Variants in PEX5 observed in about 807,000 individuals in gnomAD.
PEX5 encodes PTS1 receptor.
Under a neutral mutation model 82.9 loss-of-function variants are expected in PEX5, and 52 were observed. The observed-to-expected ratio is 0.63, with a 90% confidence interval of 0.50 to 0.79. PEX5 has a LOEUF of 0.79. PEX5 is among the 30% of genes least tolerant of loss of function. The pLI is 0.00. For missense variants in PEX5, 719 were observed against 815.2 expected (o/e 0.88, Z 1.44); for synonymous variants, 300 against 318.8 (o/e 0.94, Z 0.63).
intron 11 of PEX5, 23 bp from the exon 12 acceptor site, chr12:7,207,987 G>A (rs1285719876): frequency 6.2e-7 from 1 of 1,602,506 alleles, no homozygotes; most frequent in South Asian, 1.1e-5. Flanking sequence ...ATGGGGTGAT[G>A]GAATCTGTCA....
rs368648650 is a variant in PEX5, at chr12:7,191,561, C to T, written c.317-8C>T. The stretch of plus-strand genomic sequence containing the variant: ...TTCTTTCTTAGTTTTCTCTCTCTCT[C>T]TTTTAAGCCCCTGGTGTGGCAGACT... On this transcript the variant is annotated splice_polypyrimidine_tract_variant and splice_region_variant and intron_variant, in intron 4 of 15. Coordinates refer to ENST00000675855, the MANE Select transcript of PEX5 (RefSeq NM_001351132.2). 1.2e-5 allele frequency: 19 copies of T among 1,613,816 alleles called. No homozygotes were observed. In the African/African-American group the frequency reaches 2.1e-4, roughly 18 times the overall value.
rs1565707489 is a variant in PEX5 at position 7,203,185 on chromosome 12, ACTGCACTGCACTGCACTGCACTGC to A, written c.847-246_847-223del. 7.4e-4 allele frequency among the ~76,000 whole-genome samples: 59 copies of A among 79,290 alleles called. 15 individuals are homozygous for A. In the South Asian group the frequency reaches 0.011, roughly 14 times the overall value. The allele number at this position is 79,290 out of a possible 152,430, so 52.0% of individuals were successfully genotyped here. A position where few individuals can be genotyped will look rare whatever the true frequency, so the allele number is the denominator to read the frequency against. On this transcript the variant is annotated intron_variant, in intron 9 of 15. Coordinates refer to ENST00000675855, the MANE Select transcript of PEX5 (RefSeq NM_001351132.2). ...AACAAAAAACTAAACTAAACTATGC[ACTGCACTGCACTGCACTGCACTGC>A]ACTGCACTGCACTACATTACATTTC...
chr12:7,193,231 ATTCT>A (rs1247143444), intron 5 of PEX5, among the ~76,000 whole-genome samples: 1 of 131,106 alleles, frequency 7.6e-6, no homozygotes, highest in Non-Finnish European at 1.6e-5. Context: ...GGCTCTTGAG[ATTCT>A]TTTTTTTTTT....
At chr12:7,212,748 G>A (rs1319460729), downstream of PEX5, 1 of 152,120 alleles carries the variant, frequency 6.6e-6, no homozygotes, top group African/African-American at 2.4e-5. Flanking sequence ...AAATTTTCTT[G>A]GTGCATGTTT....
In PEX5 at chr12:7,202,288, G is replaced by A; in HGVS notation, c.690G>A (p.Glu230=). The A allele has an allele frequency of 3.1e-6, 5 of 1,614,124 alleles. No homozygotes were observed. The highest frequency in any genetic ancestry group is 2.2e-5 in the East Asian group (1 of 44,864). Residue 230 remains glutamate (E), a synonymous_variant, in exon 8 of 16, where the codon GAG becomes GAA. Transcript: ENST00000675855. ...RQIGEGQVSL[E]SGAGSGRAQA... ...TTGGCGAAGGGCAGGTGTCCCTGGA[G>A]TCCGGTGCAGGGTCGGGCCGAGCTC...
chr12:7,204,287 G>A (rs905107089), intron 10 of PEX5, among the ~76,000 whole-genome samples: 1 of 152,200 alleles, frequency 6.6e-6, no homozygotes, highest in Non-Finnish European at 1.5e-5. Context: ...TGTGAGTAGT[G>A]ATGTCTTTTT....
intron 3 of PEX5, 41 bp from the exon 4 acceptor site, chr12:7,191,185 C>G (rs1282485242): frequency 6.2e-7 from 1 of 1,614,046 alleles, no homozygotes. Flanking sequence ...GCTGGGGCCT[C>G]CCAAGCCTAT....
At chr12:7,189,675 C>T (rs1341728889), upstream of PEX5, 1 of 359,218 alleles carries the variant, frequency 2.8e-6, no homozygotes, top group African/African-American at 2.1e-5. Flanking sequence ...CGCCCCCTGG[C>T]TCCCCGCCCC....
Position 7,191,038 on chromosome 12 carries a change from C to T in PEX5, c.183+115C>T. The T allele has an allele frequency of 4.2e-6, 5 of 1,186,714 alleles. No homozygotes were observed. The Admixed American group carries it at 6.8e-5, about 16-fold the overall frequency. The allele number at this position is 1,186,714 out of a possible 1,614,324, so 73.5% of individuals were successfully genotyped here. A position where few individuals can be genotyped will look rare whatever the true frequency, so the allele number is the denominator to read the frequency against. On this transcript the variant is annotated intron_variant, in intron 3 of 15. Coordinates refer to ENST00000675855, the MANE Select transcript of PEX5 (RefSeq NM_001351132.2). ...GGGCTTTCCTGACCGAATGAGAATG[C>T]CTGCTTGTTTTTAAATGTATTTTTT...
At chr12:7,215,898 A>G (rs990711877), downstream of PEX5, among the ~76,000 whole-genome samples, 1 of 152,192 alleles carries the variant, frequency 6.6e-6, no homozygotes, top group Non-Finnish European at 1.5e-5. Flanking sequence ...GTCAAAAACA[A>G]AACAAAAGCC....
At position 7,209,846 on chromosome 12, in the gene PEX5, A is replaced by G. The variant is rs764840661; in HGVS notation, c.1718+6A>G. 1.9e-6 allele frequency: 3 copies of G among 1,614,078 alleles called. No individual in the cohort carries two copies. Among genetic ancestry groups the G allele is most frequent in the Non-Finnish European group, 2.5e-6 (3 of 1,179,968 alleles). ...ATCAACCTCGGGGCTCACCGGTGAG[A>G]GTATCTATTGAGAAATGAATGAATG... On this transcript the variant is annotated splice_donor_region_variant and intron_variant, in intron 15 of 15. Coordinates refer to ENST00000675855, the MANE Select transcript of PEX5 (RefSeq NM_001351132.2).
intron 5 of PEX5, among the ~76,000 whole-genome samples, chr12:7,198,140 A>T (rs10770304): frequency 1 from 152,305 of 152,306 alleles, 76,152 homozygotes; most frequent in Non-Finnish European, 1. Flanking sequence ...TTGATAGGTT[A>T]ATTCTGATGT....
At chr12:7,216,073 T>G (rs2136295859), downstream of PEX5, among the ~76,000 whole-genome samples, 1 of 152,314 alleles carries the variant, frequency 6.6e-6, no homozygotes, top group African/African-American at 2.4e-5. Flanking sequence ...GTTCAAGCGA[T>G]TCTCCTGCCT....
At chr12:7,197,394 A>ATATGTCATATATAATGTAATAAT (rs1565688664) in intron 5 of PEX5, among the ~76,000 whole-genome samples, 1 of 50,092 alleles carries the variant, frequency 2.0e-5, no homozygotes, top group African/African-American at 9.0e-5. Flanking sequence ...TGTAATAATT[A>ATATGTCATATATAATGTAATAAT]TATATATGTC....
chr12:7,215,213 C>T (rs763915074), downstream of PEX5, among the ~76,000 whole-genome samples: 7 of 152,116 alleles, frequency 4.6e-5, no homozygotes, highest in Non-Finnish European at 1.0e-4. Flanking sequence ...CCATCTCACA[C>T]CAGTCAGAAT....
At chr12:7,208,186 T>TC in intron 12 of PEX5, 106 bp downstream of exon 12, 1 of 870,594 alleles carries the variant, frequency 1.1e-6, no homozygotes, top group South Asian at 1.4e-5. Flanking sequence ...CTGAGTGCTA[T>TC]CAAGAGTGTT....
intron 1 of PEX5, 72 bp from the exon 2 acceptor site, chr12:7,190,290 T>A: frequency 6.3e-7 from 1 of 1,598,820 alleles, no homozygotes; most frequent in African/African-American, 1.3e-5. Context: ...CTTCCTCAGA[T>A]ACGGGCAGAG....
rs774528220 is a variant in PEX5 at position 7,190,826 on chromosome 12, C to T, written c.148-62C>T. 1.1e-4 allele frequency: 171 copies of T among 1,498,940 alleles called. No individual in the cohort carries two copies. In the Middle Eastern group the frequency reaches 2.2e-3, roughly 19 times the overall value. 92.9% of individuals were successfully genotyped at this position (1,498,940 alleles called of 1,614,324 possible). A position where few individuals can be genotyped will look rare whatever the true frequency, so the allele number is the denominator to read the frequency against. Reference sequence around the variant, plus strand: ...AAGCCGAGGCTCAGATGCCTATGGGCTTCATCAACCCCTGATTTTAGAGGA... The same window carrying T: ...AAGCCGAGGCTCAGATGCCTATGGGTTTCATCAACCCCTGATTTTAGAGGA... On this transcript the variant is annotated intron_variant, in intron 2 of 15. Coordinates refer to ENST00000675855, the MANE Select transcript of PEX5 (RefSeq NM_001351132.2).
chr12:7,218,159 T>TTGAC (rs777023837), intron 17 of PEX5, among the ~76,000 whole-genome samples: 1 of 152,202 alleles, frequency 6.6e-6, no homozygotes, highest in South Asian at 2.1e-4. Context: ...GTATGATTTA[T>TTGAC]TGACGATTAT....
Sources: gnomAD v4.1 joint callset for allele counts (sites outside exome capture counted in the v4.1 genomes callset) on GRCh38, gnomAD v4.1.1 for gene constraint, MANE v1.5 for transcripts, NCBI Gene and HGNC (gene_info 2026-07-23, HGNC 2026-07-21) for gene names.